Variants in PLCG2 observed in about 807,000 individuals in gnomAD.
PLCG2 encodes the protein phospholipase C gamma 2.
PLCG2 carries 69 observed loss-of-function variants against 175.6 expected under a neutral mutation model. That is an observed-to-expected ratio of 0.39 (90% confidence interval 0.32 to 0.48). PLCG2 has a LOEUF of 0.48. Among genes scored for constraint, PLCG2 ranks in the 20% least tolerant of loss-of-function variants. PLCG2 has a pLI of 0.91. For missense variants in PLCG2, 1,798 were observed against 1,650.9 expected (o/e 1.09, Z -1.54); for synonymous variants, 827 against 624.0 (o/e 1.33, Z -4.85).
At chr16:81,878,066 C>G (rs1037436989) in intron 7 of PLCG2, among the ~76,000 whole-genome samples, 2 of 140,198 alleles carry the variant, frequency 1.4e-5, no homozygotes, top group Non-Finnish European at 3.0e-5. Context: ...ACTGCAAGCT[C>G]TGCCTCCCGG....
chr16:81,826,016 TG>T (rs1396857149), intron 2 of PLCG2, among the ~76,000 whole-genome samples: 4 of 152,212 alleles, frequency 2.6e-5, no homozygotes, highest in Non-Finnish European at 5.9e-5. Context: ...AAATGTTGTC[TG>T]GTCGCACTGG....
chr16:81,863,274 A>T (rs1240315233), intron 5 of PLCG2, among the ~76,000 whole-genome samples: 2 of 152,222 alleles, frequency 1.3e-5, no homozygotes, highest in African/African-American at 4.8e-5. Flanking sequence ...TGCTCCAGGT[A>T]CCTCATATAA....
intron 24 of PLCG2, 99 bp from the exon 25 acceptor site, chr16:81,931,398 T>C: frequency 8.8e-7 from 1 of 1,142,622 alleles, no homozygotes; most frequent in Admixed American, 2.0e-5. Context: ...ATAGCAGTGG[T>C]GGTTGGTCCA....
chr16:81,864,919 C>T (rs1297001886), intron 5 of PLCG2, among the ~76,000 whole-genome samples: 3 of 151,986 alleles, frequency 2.0e-5, no homozygotes, highest in African/African-American at 7.3e-5. Flanking sequence ...GGAATAGTTG[C>T]CGTCCTTCTC....
intron 19 of PLCG2, among the ~76,000 whole-genome samples, chr16:81,913,565 G>T (rs1220541682): frequency 6.6e-6 from 1 of 152,234 alleles, no homozygotes; most frequent in Admixed American, 6.5e-5. Context: ...AGGCCTGGGG[G>T]CCAAATCTCC....
intron 2 of PLCG2, among the ~76,000 whole-genome samples, chr16:81,803,646 T>G (rs1326197828): frequency 2.8e-5 from 1 of 35,694 alleles, no homozygotes. Context: ...CCTCCCTCCC[T>G]CCCTCCCTCC....
Position 81,936,320 on chromosome 16 carries a change from C to T in PLCG2, c.2994C>T (p.Asp998=), listed in dbSNP as rs766228601. 62 of 1,614,108 alleles carry T rather than the reference C, an allele frequency of 3.8e-5. No homozygotes were observed. The highest frequency in any genetic ancestry group is 4.8e-5 in the Non-Finnish European group (57 of 1,180,048). The change falls in exon 27 of 33, where the codon GAC becomes GAT. Residue 998 remains aspartate, a synonymous_variant. Transcript: ENST00000564138. ...AAAGAGTTGACTCTTCAAACTACGACCCCTTCCGCCTCTGGCTGTGCGGTT... is the reference window on the plus strand; with the variant it reads ...AAAGAGTTGACTCTTCAAACTACGATCCCTTCCGCCTCTGGCTGTGCGGTT... ...KGQRVDSSNY[D]PFRLWLCGSQ...
intron 26 of PLCG2, chr16:81,935,785 C>A (rs1910680782): frequency 1.0e-6 from 1 of 985,268 alleles, no homozygotes; most frequent in Non-Finnish European, 1.2e-6. Flanking sequence ...GTTTGTTCAT[C>A]TTGTGTCTGT....
intron 2 of PLCG2, among the ~76,000 whole-genome samples, chr16:81,825,764 A>G (rs2143357607): frequency 6.6e-6 from 1 of 152,288 alleles, no homozygotes; most frequent in African/African-American, 2.4e-5. Context: ...CATTCGGTAA[A>G]TATTTACTGA....
intron 1 of PLCG2, among the ~76,000 whole-genome samples, chr16:81,781,332 G>A (rs751229362): frequency 6.6e-6 from 1 of 151,902 alleles, no homozygotes. Flanking sequence ...CATTCTTTCT[G>A]ATGGCTACTG....
intron 2 of PLCG2, among the ~76,000 whole-genome samples, chr16:81,822,586 G>A (rs1368118882): frequency 6.6e-6 from 1 of 151,824 alleles, no homozygotes. Flanking sequence ...GCGAAACCCC[G>A]TCTCCACTAA....
intron 9 of PLCG2, among the ~76,000 whole-genome samples, chr16:81,885,734 G>T (rs1404462899): frequency 6.6e-6 from 1 of 152,136 alleles, no homozygotes; most frequent in African/African-American, 2.4e-5. Flanking sequence ...ATTGATGGAA[G>T]AGAAACTTAT....
upstream of PLCG2, among the ~76,000 whole-genome samples, chr16:81,776,204 G>A (rs1156915510): frequency 1.3e-5 from 2 of 150,704 alleles, no homozygotes; most frequent in African/African-American, 4.9e-5. Flanking sequence ...CACCTCCTGG[G>A]TTCAGGCCAT....
chr16:81,896,824 G>A (rs1908912605), intron 13 of PLCG2, among the ~76,000 whole-genome samples: 2 of 152,118 alleles, frequency 1.3e-5, no homozygotes, highest in South Asian at 4.1e-4. Context: ...AAGTGAGTAT[G>A]GTCATCCCCA....
Position 81,785,957 on chromosome 16 carries a change from C to A in PLCG2, c.-33C>A. The A allele has an allele frequency of 6.3e-7, 1 of 1,594,050 alleles. No homozygotes were observed. Among genetic ancestry groups the A allele is most frequent in the Non-Finnish European group, 8.6e-7 (1 of 1,166,032 alleles). The stretch of plus-strand genomic sequence containing the variant: ...TGCCCTTTCAGCTTCCTGATTTCTC[C>A]CGATTCCTTCCTTCTCCCTGGAGCG... On this transcript the variant is annotated 5_prime_UTR_variant, in exon 2 of 33. Transcript: ENST00000564138.
intron 7 of PLCG2, among the ~76,000 whole-genome samples, chr16:81,876,010 T>C (rs758909947): frequency 4.3e-5 from 6 of 138,516 alleles, no homozygotes; most frequent in Non-Finnish European, 7.9e-5. Context: ...GCTTTTCTTT[T>C]TCTTTCTTTT....
At chr16:81,923,679 C>G in intron 22 of PLCG2, 85 bp downstream of exon 22, 1 of 782,946 alleles carries the variant, frequency 1.3e-6, no homozygotes, top group East Asian at 2.6e-5. Context: ...CTGGCCAAGT[C>G]TGACCCCCTT....
intron 7 of PLCG2, among the ~76,000 whole-genome samples, chr16:81,872,368 T>C (rs1353446466): frequency 6.6e-6 from 1 of 152,204 alleles, no homozygotes; most frequent in African/African-American, 2.4e-5. Context: ...ATCCTCCTTT[T>C]GCTCCTTTTT....
In PLCG2 at chr16:81,958,613, AG is replaced by A; in HGVS notation, c.*616del. On this transcript the variant is annotated 3_prime_UTR_variant, in exon 33 of 33. Transcript: ENST00000564138. The stretch of plus-strand genomic sequence containing the variant: ...AAGACAATTTCTAATTAATGGTGAC[AG>A]CTTGTTTTGTGACTAGAGTTACTGG... 4.4e-6 allele frequency: 1 copy of A among 227,136 alleles called. No homozygotes were observed. The highest frequency in any genetic ancestry group is 1.4e-3 in the Middle Eastern group (1 of 736). 14.1% of individuals were successfully genotyped at this position (227,136 alleles called of 1,614,324 possible).
Sources: gnomAD v4.1 joint callset for allele counts (sites outside exome capture counted in the v4.1 genomes callset) on GRCh38, gnomAD v4.1.1 for gene constraint, MANE v1.5 for transcripts, NCBI Gene and HGNC (gene_info 2026-07-23, HGNC 2026-07-21) for gene names.